ACOT7: variants seen among roughly 807,000 people sequenced by gnomAD.
ACOT7 encodes cytosolic acyl coenzyme A thioester hydrolase.
Under a neutral mutation model 40.2 loss-of-function variants are expected in ACOT7, and 12 were observed. That is an observed-to-expected ratio of 0.30 (90% CI 0.19 to 0.48). The LOEUF is 0.48. ACOT7 is among the 20% of genes least tolerant of loss of function. The probability of loss-of-function intolerance (pLI) is 0.99; values close to 1 mark genes in which losing one functional copy is unlikely to be tolerated. For missense variants in ACOT7, 395 were observed against 530.8 expected (o/e 0.74, Z 2.51); for synonymous variants, 228 against 219.5 (o/e 1.04, Z -0.34).
At chr1:6,328,964 A>G (rs1459689182) in intron 4 of ACOT7, among the ~76,000 whole-genome samples, 2 of 151,966 alleles carry the variant, frequency 1.3e-5, no homozygotes, top group African/African-American at 4.8e-5. Context: ...GCCGACTACC[A>G]CCTGGCTGTT....
intron 8 of ACOT7, among the ~76,000 whole-genome samples, chr1:6,273,522 T>C (rs1306291491): frequency 6.6e-6 from 1 of 152,188 alleles, no homozygotes; most frequent in Non-Finnish European, 1.5e-5. Flanking sequence ...GACTCACGCC[T>C]GTGGGCTGGC....
At chr1:6,318,357 AT>A in intron 6 of ACOT7, 134 bp downstream of exon 6, 1 of 962,970 alleles carries the variant, frequency 1.0e-6, no homozygotes, top group Non-Finnish European at 1.6e-6. Flanking sequence ...CACCTGGCCT[AT>A]TGTACAACTT....
At chr1:6,386,291 T>TA (rs1321064397) in intron 1 of ACOT7, among the ~76,000 whole-genome samples, 5 of 152,204 alleles carry the variant, frequency 3.3e-5, no homozygotes, top group Admixed American at 3.3e-4. Context: ...CCCCTGGAGT[T>TA]AGAGGCAGTA....
rs1238802518 is a variant in ACOT7 at position 6,381,304 on chromosome 1, TACAA to T, written c.143+11949_143+11952del. Among the ~76,000 whole-genome samples, 3 of 151,092 alleles carry T rather than the reference TACAA, an allele frequency of 2.0e-5. 1 individual carries two copies. The highest frequency in any genetic ancestry group is 4.9e-5 in the African/African-American group (2 of 40,784). Reference sequence around the variant, plus strand: ...CTATGTTCAAGTATATGAATAAATATACAAACAGTTTAGCAATATATTTAATTTT... The same window carrying T: ...CTATGTTCAAGTATATGAATAAATATACAGTTTAGCAATATATTTAATTTT... On this transcript the variant is annotated intron_variant, in intron 1 of 8. Coordinates refer to ENST00000361521, the MANE Select transcript of ACOT7 (RefSeq NM_007274.4).
chr1:6,328,787 G>T (rs1167558724), intron 4 of ACOT7, among the ~76,000 whole-genome samples: 1 of 152,250 alleles, frequency 6.6e-6, no homozygotes, highest in Non-Finnish European at 1.5e-5. Context: ...GGACGTAACA[G>T]ACGGTTCACT....
At position 6,375,557 on chromosome 1, in the gene ACOT7, C is replaced by A. The variant is rs577488467; in HGVS notation, c.143+17700G>T. Among the ~76,000 whole-genome samples, 59 of 151,896 alleles carry A rather than the reference C, an allele frequency of 3.9e-4. 1 individual carries two copies. Among genetic ancestry groups the A allele is most frequent in the Admixed American group, 5.9e-4 (9 of 15,236 alleles). On this transcript the variant is annotated intron_variant, in intron 1 of 8. Transcript: ENST00000361521. ...TCCCTGCTTGGAGATTAATTCCAGC[C>A]CTTTGGGAGGCTAAGCCAGAAGGAT...
intron 4 of ACOT7, among the ~76,000 whole-genome samples, chr1:6,329,560 T>C (rs1027136569): frequency 6.6e-6 from 1 of 151,922 alleles, no homozygotes; most frequent in Non-Finnish European, 1.5e-5. Context: ...TTGTCTGGGC[T>C]TGGCAGGCGC....
intron 6 of ACOT7, among the ~76,000 whole-genome samples, chr1:6,305,597 C>T (rs1640123098): frequency 6.7e-6 from 1 of 150,248 alleles, no homozygotes; most frequent in African/African-American, 2.5e-5. Context: ...GACGGGGCGG[C>T]AGGGCAGAGG....
intron 4 of ACOT7, among the ~76,000 whole-genome samples, chr1:6,329,379 T>TA (rs1461679468): frequency 6.6e-6 from 1 of 152,234 alleles, no homozygotes; most frequent in African/African-American, 2.4e-5. Flanking sequence ...AACCACGTCC[T>TA]AATGTTCCAC....
At position 6,352,582 on chromosome 1, in the gene ACOT7, G is replaced by A. The variant is rs1404534147; in HGVS notation, c.144-2716C>T. On this transcript the variant is annotated intron_variant, in intron 1 of 8. Transcript: ENST00000361521. This position sits in a 1 kb window ranked among gnomAD's most constrained non-coding sequence, Gnocchi z 4.5. ...GCTGCTGCGTCTCACTGGAGACTTC[G>A]TTTTCCCATTTCTTTTTTTTTTTTT... is the stretch of plus-strand genomic sequence containing the variant. Among the ~76,000 whole-genome samples the A allele has an allele frequency of 4.0e-5, 6 of 151,600 alleles. No homozygotes were observed. Among genetic ancestry groups the A allele is most frequent in the South Asian group, 2.1e-4 (1 of 4,800 alleles).
chr1:6,368,958 C>G (rs1642073197), intron 1 of ACOT7, among the ~76,000 whole-genome samples: 1 of 152,224 alleles, frequency 6.6e-6, no homozygotes, highest in Non-Finnish European at 1.5e-5. Flanking sequence ...TTCATGGCAT[C>G]TTCCCCAAGA....
chr1:6,264,838 G>A (rs977153216), intron 8 of ACOT7, 143 bp from the exon 9 acceptor site: 16 of 811,472 alleles, frequency 2.0e-5, no homozygotes, highest in South Asian at 5.5e-5. Context: ...CCTCGGCCCC[G>A]CTGGCCTCCT....
rs1446948507 is a variant in ACOT7, at chr1:6,393,378, G to C, written c.22C>G (p.His8Asp). ...GTGTCTGGCAGGCCCGGCGCGGAAT[G>C]AATGAGCCCGGGCCGCGCCATAAAG... MARPGLIHSAPGLPDTCA... is the reference protein window; with the variant it reads MARPGLIDSAPGLPDTCA... The change falls in exon 1 of 9, where the codon CAT (histidine) becomes GAT (aspartate). Residue 8 changes from histidine to aspartate, a missense_variant. By Grantham distance (81) the His-to-Asp change is moderately conservative (BLOSUM62 -1). Transcript: ENST00000361521. The C allele has an allele frequency of 1.6e-6, 2 of 1,233,270 alleles. No individual in the cohort carries two copies. The highest frequency in any genetic ancestry group is 2.0e-6 in the Non-Finnish European group (2 of 985,646). The allele number at this position is 1,233,270 out of a possible 1,614,324, so 76.4% of individuals were successfully genotyped here. A position where few individuals can be genotyped will look rare whatever the true frequency, so the allele number is the denominator to read the frequency against.
chr1:6,266,720 C>T (rs1189671139), intron 8 of ACOT7, among the ~76,000 whole-genome samples: 1 of 152,278 alleles, frequency 6.6e-6, no homozygotes, highest in Non-Finnish European at 1.5e-5. Flanking sequence ...GAAGCTGCAG[C>T]TTCTTGTCTG....
chr1:6,275,310 C>G lies in ACOT7; in HGVS notation c.1014+5792G>C, dbSNP rs1048055721. 6.6e-6 allele frequency among the ~76,000 whole-genome samples: 1 copy of G among 152,178 alleles called. No individual in the cohort carries two copies. Among genetic ancestry groups the G allele is most frequent in the Non-Finnish European group, 1.5e-5 (1 of 68,034 alleles). ...AGGGCTCCCTCAACCTGAAGGAGCC[C>G]AAGGGTCTCAGGGCCTCTTCTAGGT... On this transcript the variant is annotated intron_variant, in intron 8 of 8. Transcript: ENST00000361521. The surrounding 1 kb of genome is among the most constrained non-coding windows in gnomAD (Gnocchi z 5.6).
At chr1:6,350,251 G>A (rs903004431) in intron 1 of ACOT7, among the ~76,000 whole-genome samples, 2 of 152,270 alleles carry the variant, frequency 1.3e-5, no homozygotes, top group South Asian at 2.1e-4. Context: ...GTGACCCTAG[G>A]AGCAAATTCC....
At chr1:6,307,884 C>T (rs528239389) in intron 6 of ACOT7, among the ~76,000 whole-genome samples, 18 of 148,954 alleles carry the variant, frequency 1.2e-4, no homozygotes, top group African/African-American at 4.5e-4. Flanking sequence ...GGAACCACAA[C>T]CAGACAGAGG....
chr1:6,348,414 T>C (rs1277422697), intron 2 of ACOT7, among the ~76,000 whole-genome samples: 1 of 152,136 alleles, frequency 6.6e-6, no homozygotes, highest in Non-Finnish European at 1.5e-5. Context: ...CCAGGCTGAA[T>C]GCATGTGCCA....
intron 1 of ACOT7, chr1:6,360,506 T>C: frequency 6.3e-7 from 1 of 1,594,372 alleles, no homozygotes; most frequent in Non-Finnish European, 8.6e-7. Context: ...GGACAGGTCC[T>C]CCCAAACACA....
Sources: gnomAD v4.1 joint callset for allele counts (sites outside exome capture counted in the v4.1 genomes callset) on GRCh38, gnomAD v4.1.1 for gene constraint, Gnocchi (gnomAD v3.1) non-coding constraint, MANE v1.5 for transcripts, NCBI Gene and HGNC (gene_info 2026-07-23, HGNC 2026-07-21) for gene names.